USO1: variants seen among roughly 807,000 people sequenced by gnomAD.
USO1 encodes the protein USO1 vesicle transport factor, also known as general vesicular transport factor p115.
Under a neutral mutation model 124.5 loss-of-function variants are expected in USO1, and 57 were observed. The ratio of observed to expected loss-of-function variants is 0.46; its 90% confidence interval spans 0.37 to 0.57. The LOEUF is 0.57. USO1 is among the 20% of genes least tolerant of loss of function. The pLI is 0.00. For missense variants in USO1, 900 were observed against 1,040.6 expected, an observed-to-expected ratio of 0.86 and a Z score of 1.86; for synonymous variants, 369 against 362.8, an observed-to-expected ratio of 1.02 and a Z score of -0.19.
At chr4:75,756,043 G>T (rs538985797) in intron 3 of USO1, among the ~76,000 whole-genome samples, 1 of 151,770 alleles carries the variant, frequency 6.6e-6, no homozygotes, top group African/African-American at 2.4e-5. Flanking sequence ...GGTGGCGGGC[G>T]CCTGTAGTCC....
intron 17 of USO1, among the ~76,000 whole-genome samples, chr4:75,803,540 C>T (rs1444935623): frequency 2.6e-5 from 4 of 151,674 alleles, no homozygotes; most frequent in African/African-American, 9.7e-5. Context: ...ATCCCAGCTA[C>T]TCAGGAGGCT....
Position 75,795,769 on chromosome 4 carries a change from C to T in USO1, c.1452+1868C>T, listed in dbSNP as rs574953181. Among the ~76,000 whole-genome samples the T allele has an allele frequency of 3.4e-4, 51 of 151,992 alleles. No homozygotes were observed. The South Asian group carries it at 9.1e-3, about 27-fold the overall frequency. The stretch of plus-strand genomic sequence containing the variant: ...AAAGAATCTGATGATGATTTTTATA[C>T]TAGATTATTTAAAATGTGCAATAGT... On this transcript the variant is annotated intron_variant, in intron 13 of 23. Transcript: ENST00000514213.
At chr4:75,744,408 G>GT (rs1420805300) in intron 1 of USO1, among the ~76,000 whole-genome samples, 1 of 152,136 alleles carries the variant, frequency 6.6e-6, no homozygotes, top group East Asian at 1.9e-4. Context: ...ATTCACTGCT[G>GT]TTTTTTGATT....
intron 8 of USO1, among the ~76,000 whole-genome samples, chr4:75,777,474 T>C (rs1171393050): frequency 6.6e-6 from 1 of 152,142 alleles, no homozygotes; most frequent in Admixed American, 6.6e-5. Flanking sequence ...AAAATATATT[T>C]AGAACTCTTA....
intron 8 of USO1, 31 bp downstream of exon 8, chr4:75,774,827 T>G (rs772494924): frequency 2.2e-5 from 36 of 1,607,260 alleles, no homozygotes; most frequent in Non-Finnish European, 3.0e-5. Flanking sequence ...TTGAAGACAT[T>G]CCTTTTGTAC....
chr4:75,751,763 C>CAGTAGAATCACTTGAACCCA (rs1173684627), intron 1 of USO1, among the ~76,000 whole-genome samples: 1 of 150,766 alleles, frequency 6.6e-6, no homozygotes, highest in Non-Finnish European at 1.5e-5. Context: ...ACCCAGGAGG[C>CAGTAGAATCACTTGAACCCA]GGAGGTTGCA....
chr4:75,730,539 G>A (rs906096060), intron 1 of USO1, among the ~76,000 whole-genome samples: 9 of 151,776 alleles, frequency 5.9e-5, no homozygotes, highest in Non-Finnish European at 1.2e-4. Context: ...ATATAATTCT[G>A]ATGCCTTTTT....
chr4:75,765,653 C>T (rs324720), intron 4 of USO1, among the ~76,000 whole-genome samples: 29,232 of 145,988 alleles, frequency 0.2, 3,052 homozygotes, highest in African/African-American at 0.25. Flanking sequence ...TTTTTTTTTC[C>T]AACTCCATTC....
chr4:75,743,398 T>A (rs1454596937), intron 1 of USO1, among the ~76,000 whole-genome samples: 1 of 152,206 alleles, frequency 6.6e-6, no homozygotes, highest in Non-Finnish European at 1.5e-5. Context: ...TTACCCTTAC[T>A]CACACTTCCA....
intron 4 of USO1, among the ~76,000 whole-genome samples, chr4:75,758,230 C>G (rs1721499100): frequency 6.6e-6 from 1 of 152,074 alleles, no homozygotes; most frequent in African/African-American, 2.4e-5. Flanking sequence ...CTATATGTTG[C>G]AAAACATTCG....
At chr4:75,783,215 T>C (rs748607671) in intron 9 of USO1, among the ~76,000 whole-genome samples, 11 of 152,228 alleles carry the variant, frequency 7.2e-5, no homozygotes, top group Non-Finnish European at 1.3e-4. Flanking sequence ...AGGGCTCTAA[T>C]AGGATAAATT....
chr4:75,774,537 C>T (rs1722018947), intron 7 of USO1, 139 bp from the exon 8 acceptor site: 1 of 996,182 alleles, frequency 1.0e-6, no homozygotes, highest in Admixed American at 3.2e-5. Flanking sequence ...CTATTCTGTT[C>T]TTGTTTTCCT....
intron 19 of USO1, among the ~76,000 whole-genome samples, chr4:75,806,159 T>G (rs1722991380): frequency 6.6e-6 from 1 of 152,062 alleles, no homozygotes; most frequent in South Asian, 2.1e-4. Flanking sequence ...GTCCGGCTAA[T>G]TTTTTGTATT....
At chr4:75,775,400 G>C (rs528156959) in intron 8 of USO1, among the ~76,000 whole-genome samples, 1 of 152,050 alleles carries the variant, frequency 6.6e-6, no homozygotes, top group Non-Finnish European at 1.5e-5. Flanking sequence ...TTAGCTGGGC[G>C]TGGTGGTAAA....
At chr4:75,797,560 C>CAAAAAA in intron 13 of USO1, among the ~76,000 whole-genome samples, 1 of 111,542 alleles carries the variant, frequency 9.0e-6, no homozygotes, top group Non-Finnish European at 1.8e-5. Context: ...GTTCCAGAAG[C>CAAAAAA]AAAAAAAAAA....
At chr4:75,781,151 C>T (rs1013772065) in intron 8 of USO1, among the ~76,000 whole-genome samples, 6 of 151,870 alleles carry the variant, frequency 4.0e-5, no homozygotes, top group African/African-American at 9.7e-5. Flanking sequence ...AAGTTGATTC[C>T]GGCAACCCTC....
chr4:75,728,673 A>T (rs1329488604), intron 1 of USO1, among the ~76,000 whole-genome samples: 1 of 152,192 alleles, frequency 6.6e-6, no homozygotes, highest in East Asian at 1.9e-4. Flanking sequence ...GTTCTTGAGA[A>T]CCTGTCAAGT....
intron 1 of USO1, among the ~76,000 whole-genome samples, chr4:75,747,971 G>A (rs1429591236): frequency 1.5e-5 from 2 of 130,094 alleles, no homozygotes; most frequent in African/African-American, 3.0e-5. Flanking sequence ...GCAATGGTGC[G>A]ATCTCGGCTC....
chr4:75,752,787 A>G (rs1721328192), intron 3 of USO1, among the ~76,000 whole-genome samples, 183 bp downstream of exon 3: 3 of 152,194 alleles, frequency 2.0e-5, no homozygotes, highest in Admixed American at 2.0e-4. Context: ...CGGCCTCCCA[A>G]AGTGCTGGGA....
Sources: gnomAD v4.1 joint callset for allele counts (sites outside exome capture counted in the v4.1 genomes callset) on GRCh38, gnomAD v4.1.1 for gene constraint, MANE v1.5 for transcripts, NCBI Gene and HGNC (gene_info 2026-07-23, HGNC 2026-07-21) for gene names.